Variants in EPB41L1 observed in about 807,000 individuals in gnomAD.
EPB41L1 encodes erythrocyte membrane protein band 4.1 like 1.
EPB41L1 carries 29 observed loss-of-function variants against 97.8 expected under a neutral mutation model. The observed-to-expected ratio is 0.30, with a 90% confidence interval of 0.22 to 0.40. The LOEUF is 0.40. Ranked by LOEUF, EPB41L1 falls within the 10% of genes least tolerant of loss-of-function variation. The pLI, the probability that EPB41L1 is intolerant of heterozygous loss-of-function variation, is 1.00. For synonymous variants in EPB41L1, 383 were observed against 459.2 expected (o/e 0.83, Z 2.12); for missense variants, 812 against 1,162.3 (o/e 0.70, Z 4.38).
chr20:36,182,480 C>A, intron 6 of EPB41L1, 133 bp downstream of exon 6: 1 of 922,668 alleles, frequency 1.1e-6, no homozygotes, highest in African/African-American at 1.6e-5. Flanking sequence ...AGGCAGACAG[C>A]ATCGTACACA....
chr20:36,173,685 C>T (rs975349406), intron 1 of EPB41L1, 79 bp from the exon 2 acceptor site: 13 of 1,305,758 alleles, frequency 1.0e-5, no homozygotes, highest in South Asian at 3.5e-5. Context: ...TGTCTCTCTC[C>T]GCGTGTGGTT....
chr20:36,180,272 C>A (rs6119704), intron 5 of EPB41L1, among the ~76,000 whole-genome samples: 1 of 152,182 alleles, frequency 6.6e-6, no homozygotes, highest in African/African-American at 2.4e-5. Context: ...TCTGTGACAG[C>A]ACCTCAGCCT....
At chr20:36,156,461 C>T (rs1049778723) in intron 1 of EPB41L1, among the ~76,000 whole-genome samples, 3 of 152,176 alleles carry the variant, frequency 2.0e-5, no homozygotes, top group South Asian at 2.1e-4. Context: ...TTGAACGGGG[C>T]CTAGAGAGTA....
chr20:36,167,249 CA>C (rs2060776477), intron 1 of EPB41L1, among the ~76,000 whole-genome samples: 1 of 152,024 alleles, frequency 6.6e-6, no homozygotes, highest in Non-Finnish European at 1.5e-5. Context: ...GACGGAAAGC[CA>C]ATGTGACAGG....
chr20:36,178,429 C>T (rs2061338999), intron 4 of EPB41L1, among the ~76,000 whole-genome samples: 1 of 152,128 alleles, frequency 6.6e-6, no homozygotes, highest in Non-Finnish European at 1.5e-5. Context: ...GCTCCGGGCA[C>T]TGGGTCCAAG....
chr20:36,146,131 T>G lies in EPB41L1; in HGVS notation c.-9-29420T>G, dbSNP rs553251320. Among the ~76,000 whole-genome samples the G allele has an allele frequency of 7.9e-5, 12 of 152,340 alleles. No individual in the cohort carries two copies. In the South Asian group the frequency reaches 2.3e-3, roughly 29 times the overall value. On this transcript the variant is annotated intron_variant, in intron 2 of 19. Transcript: ENST00000202028. ...TCTGTCCTCTTCTTACAACCTTTAG[T>G]GCTTTCTGTTTTACATTGCAGTTGG... is the stretch of plus-strand genomic sequence containing the variant.
intron 14 of EPB41L1, among the ~76,000 whole-genome samples, chr20:36,199,305 C>G (rs943553290): frequency 1.3e-5 from 2 of 151,958 alleles, no homozygotes; most frequent in African/African-American, 4.8e-5. Context: ...ACCCAATTTT[C>G]TTGTGACCCA....
At chr20:36,152,331 A>T (rs1173808394), upstream of EPB41L1, 1 of 152,532 alleles carries the variant, frequency 6.6e-6, no homozygotes, top group Non-Finnish European at 1.5e-5. Flanking sequence ...GTCTGGGAAC[A>T]TCCTGCCTCG....
intron 6 of EPB41L1, among the ~76,000 whole-genome samples, chr20:36,184,150 G>T (rs1367056835): frequency 6.6e-6 from 1 of 151,998 alleles, no homozygotes; most frequent in Non-Finnish European, 1.5e-5. Context: ...CAGGAGAATC[G>T]CTTGAACCTG....
intron 2 of EPB41L1, among the ~76,000 whole-genome samples, chr20:36,113,256 A>G (rs903344689): frequency 6.6e-6 from 1 of 152,174 alleles, no homozygotes; most frequent in Non-Finnish European, 1.5e-5. Flanking sequence ...AGTTACATTG[A>G]TTGGGAAATT....
chr20:36,213,011 T>C (rs547876873), intron 16 of EPB41L1, among the ~76,000 whole-genome samples: 3 of 152,324 alleles, frequency 2.0e-5, no homozygotes, highest in Admixed American at 6.5e-5. Flanking sequence ...GAAGTTAAGA[T>C]TGAGGATCTG....
At chr20:36,187,906 T>C (rs1316786730) in intron 8 of EPB41L1, 143 bp downstream of exon 8, 2 of 744,942 alleles carry the variant, frequency 2.7e-6, no homozygotes, top group Non-Finnish European at 2.4e-6. Flanking sequence ...TTTCTCGAAG[T>C]TCCATAACCT....
upstream of EPB41L1, chr20:36,149,821 A>G: frequency 6.6e-6 from 1 of 152,378 alleles, no homozygotes; most frequent in Non-Finnish European, 1.5e-5. Flanking sequence ...CCATGACCTC[A>G]CCTTTAACCC....
chr20:36,114,592 T>A (rs961534572), intron 2 of EPB41L1, among the ~76,000 whole-genome samples: 2 of 152,152 alleles, frequency 1.3e-5, no homozygotes, highest in African/African-American at 2.4e-5. Context: ...TAACTCAAAG[T>A]GGCTTTAAAC....
chr20:36,182,306 C>A lies in EPB41L1; in HGVS notation c.525C>A (p.Phe175Leu). The A allele has an allele frequency of 6.2e-7, 1 of 1,614,110 alleles. No individual in the cohort carries two copies. Among genetic ancestry groups the A allele is most frequent in the Non-Finnish European group, 8.5e-7 (1 of 1,179,964 alleles). ...GGAATTTTGCCTTCACAGTCAAGTT[C>A]TACCCGCCTGATCCTGCCCAGCTGA... ...SPWNFAFTVK[F>L]YPPDPAQLTE... is the part of the protein sequence containing the mutation. Residue 175 changes from phenylalanine (F) to leucine (L), a missense_variant, in exon 6 of 22, where the codon TTC becomes TTA. Physicochemically the swap from Phe to Leu is conservative, Grantham distance 22 (BLOSUM62 0). Coordinates refer to ENST00000338074, the MANE Select transcript of EPB41L1 (RefSeq NM_012156.2).
rs191128724 is a variant in EPB41L1, at chr20:36,175,586, C to T, written c.213C>T (p.Ala71=). ...TGGAGGAGAAGGACTACAGTGAGGC[C>T]GATGGCCTTTCGGAGAGGACCACGC... ...LDMEEKDYSE[A]DGLSERTTPS... The change falls in exon 3 of 22, where the codon GCC becomes GCT. Residue 71 remains alanine (A), a synonymous_variant. Transcript: ENST00000338074. 25 of 1,614,186 alleles carry T rather than the reference C, an allele frequency of 1.5e-5. No homozygotes were observed. Among genetic ancestry groups the T allele is most frequent in the Middle Eastern group, 1.6e-4 (1 of 6,062 alleles).
At position 36,231,712 on chromosome 20, in the gene EPB41L1, T is replaced by A. The variant is rs957067889; in HGVS notation, c.*2372T>A. ...CAGCGGGGCAGCAGAATCAGTGGCA[T>A]TCCCCCTGGTGCAGGCCGGTGGGTC... On this transcript the variant is annotated 3_prime_UTR_variant, in exon 22 of 22. Transcript: ENST00000338074. The A allele has an allele frequency of 2.0e-5, 3 of 152,540 alleles. No homozygotes were observed. Among genetic ancestry groups the A allele is most frequent in the African/African-American group, 7.2e-5 (3 of 41,468 alleles). The allele number at this position is 152,540 out of a possible 1,614,324, so 9.4% of individuals were successfully genotyped here.
rs542066549 is a variant in EPB41L1, at chr20:36,123,380, C to T, written c.-10+10900C>T. ...GCTGCACCTCAGTTTCCCGATCTAA[C>T]GAGGAAGACACATGTCTTCCAGATC... is the stretch of plus-strand genomic sequence containing the variant. On this transcript the variant is annotated intron_variant, in intron 2 of 19. Coordinates refer to the EPB41L1 transcript ENST00000202028. 1.2e-4 allele frequency among the ~76,000 whole-genome samples: 19 copies of T among 152,254 alleles called. No individual in the cohort carries two copies. The South Asian group carries it at 3.3e-3, about 27-fold the overall frequency.
At chr20:36,186,632 A>G (rs1464367536) in intron 7 of EPB41L1, among the ~76,000 whole-genome samples, 2 of 152,208 alleles carry the variant, frequency 1.3e-5, no homozygotes, top group Non-Finnish European at 2.9e-5. Flanking sequence ...ACCTGGGCAT[A>G]GGAATAGGGA....
Sources: allele counts gnomAD v4.1 joint callset (sites outside exome capture counted in the v4.1 genomes callset), GRCh38; gene constraint gnomAD v4.1.1; transcripts MANE v1.5; gene names NCBI Gene and HGNC (gene_info 2026-07-23, HGNC 2026-07-21).